Variants in ADAM18 observed in about 807,000 individuals in gnomAD.
ADAM18 encodes ADAM metallopeptidase domain 18.
ADAM18 carries 117 observed loss-of-function variants against 94.4 expected under a neutral mutation model. That is an observed-to-expected ratio of 1.24 (90% confidence interval 1.07 to 1.45). The LOEUF (loss-of-function observed/expected upper bound fraction) is 1.45. Ranked by LOEUF, ADAM18 falls within the 40% of genes most tolerant of loss-of-function variation. ADAM18 has a pLI of 0.00. For missense variants in ADAM18, 936 were observed against 880.0 expected, an observed-to-expected ratio of 1.06 and a Z score of -0.81; for synonymous variants, 327 against 291.6, an observed-to-expected ratio of 1.12 and a Z score of -1.24.
intron 5 of ADAM18, 42 bp downstream of exon 5, chr8:39,609,603 G>C: frequency 7.0e-7 from 1 of 1,434,044 alleles, no homozygotes; most frequent in Non-Finnish European, 9.7e-7. Flanking sequence ...GAGAACTTAA[G>C]ATAGTCTTTA....
At chr8:39,654,976 T>C (rs1820645741) in intron 12 of ADAM18, among the ~76,000 whole-genome samples, 1 of 152,184 alleles carries the variant, frequency 6.6e-6, no homozygotes, top group African/African-American at 2.4e-5. Flanking sequence ...TTTTCTCCCA[T>C]TCTTTAGGTT....
intron 15 of ADAM18, among the ~76,000 whole-genome samples, chr8:39,679,752 G>A (rs375457188): frequency 1.3e-4 from 20 of 152,200 alleles, no homozygotes; most frequent in African/African-American, 3.6e-4. Flanking sequence ...CCCAGAGTGC[G>A]GTAAAATATG....
chr8:39,717,061 T>A (rs1329899768), intron 18 of ADAM18, among the ~76,000 whole-genome samples: 4 of 151,868 alleles, frequency 2.6e-5, no homozygotes, highest in Non-Finnish European at 1.5e-5. Context: ...GCATGGAATA[T>A]CTTGTATTTA....
In ADAM18 at chr8:39,680,117, C is replaced by A. The variant is rs1300239655; in HGVS notation, c.1712C>A (p.Ser571Ter). 2 of 1,613,732 alleles carry A rather than the reference C, an allele frequency of 1.2e-6. No individual in the cohort carries two copies. Among genetic ancestry groups the A allele is most frequent in the Admixed American group, 1.7e-5 (1 of 59,914 alleles). ...AGTGACGCTCAATCTACAGTTTATT[C>A]ATATATTCAAGACCATGTATGTGTA... ...NKSDAQSTVY[S>*]YIQDHVCVSI... Residue 571 changes from serine to a stop codon, truncating the protein, a stop_gained, in exon 16 of 20, where the codon TCA (serine) becomes TAA (stop). Transcript: ENST00000265707. LOFTEE classifies it high-confidence loss of function.
chr8:39,696,326 ATGT>A (rs1821927753), intron 17 of ADAM18, among the ~76,000 whole-genome samples: 1 of 151,388 alleles, frequency 6.6e-6, no homozygotes, highest in African/African-American at 2.4e-5. Context: ...TCCATTCTAA[ATGT>A]TGTCTTTTCA....
At chr8:39,658,303 G>C (rs953973644) in intron 12 of ADAM18, among the ~76,000 whole-genome samples, 2 of 152,060 alleles carry the variant, frequency 1.3e-5, no homozygotes, top group African/African-American at 4.8e-5. Flanking sequence ...AAGGAACTTC[G>C]CAGGTGTGAT....
intron 18 of ADAM18, among the ~76,000 whole-genome samples, chr8:39,711,379 A>G (rs1264311453): frequency 2.0e-5 from 3 of 152,172 alleles, no homozygotes; most frequent in Non-Finnish European, 2.9e-5. Context: ...AGGAAAAGGA[A>G]AGCATGACCT....
intron 14 of ADAM18, among the ~76,000 whole-genome samples, chr8:39,673,232 C>T (rs572291524): frequency 3.3e-5 from 5 of 152,208 alleles, no homozygotes; most frequent in Admixed American, 6.5e-5. Context: ...GCATTCACTG[C>T]GCCAGGGTAT....
chr8:39,698,545 A>T (rs1044960887), intron 17 of ADAM18, among the ~76,000 whole-genome samples: 1 of 152,012 alleles, frequency 6.6e-6, no homozygotes, highest in Admixed American at 6.6e-5. Flanking sequence ...ATCAGGAGTC[A>T]CAGAAGTGTT....
At chr8:39,666,256 C>T (rs1348326646) in intron 13 of ADAM18, among the ~76,000 whole-genome samples, 1 of 152,000 alleles carries the variant, frequency 6.6e-6, no homozygotes, top group Non-Finnish European at 1.5e-5. Context: ...CCCAGGCTGT[C>T]CTTGAACTTC....
At chr8:39,663,123 G>A (rs1282903444) in intron 12 of ADAM18, among the ~76,000 whole-genome samples, 3 of 152,070 alleles carry the variant, frequency 2.0e-5, no homozygotes, top group African/African-American at 7.2e-5. Context: ...CTTGAGAAAA[G>A]TTTGTTTCTC....
At chr8:39,727,241 C>T (rs1289331064) in intron 19 of ADAM18, among the ~76,000 whole-genome samples, 2 of 152,104 alleles carry the variant, frequency 1.3e-5, no homozygotes, top group Non-Finnish European at 2.9e-5. Context: ...TAGCACTTGG[C>T]TCCTTTTTAG....
chr8:39,728,869 C>CAACTT (rs1223957725), intron 19 of ADAM18, among the ~76,000 whole-genome samples: 1 of 152,070 alleles, frequency 6.6e-6, no homozygotes, highest in Non-Finnish European at 1.5e-5. Context: ...CATAGAAGGA[C>CAACTT]AACTTAAGCA....
At chr8:39,728,154 TG>T (rs1395903880) in intron 19 of ADAM18, among the ~76,000 whole-genome samples, 1 of 152,092 alleles carries the variant, frequency 6.6e-6, no homozygotes, top group Admixed American at 6.6e-5. Flanking sequence ...CACCAAACCA[TG>T]GGAGATTCAC....
chr8:39,668,858 C>T (rs1399718219), intron 14 of ADAM18, among the ~76,000 whole-genome samples: 2 of 151,884 alleles, frequency 1.3e-5, no homozygotes, highest in African/African-American at 4.8e-5. Context: ...GGTTTATTTG[C>T]CCAGTGGTAA....
intron 10 of ADAM18, among the ~76,000 whole-genome samples, chr8:39,642,902 C>A (rs933467134): frequency 1.3e-5 from 2 of 152,078 alleles, no homozygotes; most frequent in Admixed American, 6.6e-5. Context: ...AATATTGATT[C>A]TTTCTGTCCA....
At chr8:39,683,379 A>G (rs926726462) in intron 16 of ADAM18, among the ~76,000 whole-genome samples, 3 of 152,226 alleles carry the variant, frequency 2.0e-5, no homozygotes, top group African/African-American at 7.2e-5. Context: ...CCCAGAATTC[A>G]CCACTCACAG....
intron 13 of ADAM18, among the ~76,000 whole-genome samples, chr8:39,665,544 C>G (rs1281477026): frequency 6.6e-6 from 1 of 152,190 alleles, no homozygotes; most frequent in Admixed American, 6.5e-5. Flanking sequence ...ACTGTACTAT[C>G]TTGAGTTCCC....
chr8:39,657,496 G>A (rs913730967), intron 12 of ADAM18, among the ~76,000 whole-genome samples: 3 of 151,884 alleles, frequency 2.0e-5, no homozygotes, highest in Non-Finnish European at 2.9e-5. Context: ...TTTTATTTTT[G>A]GTACAGATGA....
Sources: gnomAD v4.1 joint callset for allele counts (sites outside exome capture counted in the v4.1 genomes callset) on GRCh38, gnomAD v4.1.1 for gene constraint, MANE v1.5 for transcripts, NCBI Gene and HGNC (gene_info 2026-07-23, HGNC 2026-07-21) for gene names.